ZNF33B: variants seen among roughly 807,000 people sequenced by gnomAD.
ZNF33B encodes zinc finger protein 11b (KOX 2).
In ZNF33B, 29 loss-of-function variants were observed where a neutral mutation model predicts 45.8. The observed-to-expected ratio is 0.63, with a 90% CI of 0.47 to 0.86. The LOEUF is 0.86. ZNF33B is among the 40% of genes least tolerant of loss of function. The pLI is 0.00. For missense variants in ZNF33B, 831 were observed against 909.9 expected (o/e 0.91, Z 1.12); for synonymous variants, 305 against 307.8 (o/e 0.99, Z 0.10).
intron 4 of ZNF33B, among the ~76,000 whole-genome samples, chr10:42,613,439 T>C (rs1163595792): frequency 1.3e-5 from 2 of 151,940 alleles, no homozygotes; most frequent in Non-Finnish European, 2.9e-5. Flanking sequence ...CCCCAGCTAC[T>C]TGGGAAGCTG....
At chr10:42,603,222 A>G (rs1837699140) in intron 4 of ZNF33B, among the ~76,000 whole-genome samples, 1 of 152,200 alleles carries the variant, frequency 6.6e-6, no homozygotes, top group African/African-American at 2.4e-5. Flanking sequence ...GATCCCGAAT[A>G]ATGGAGCAGG....
rs1487891646 is a variant in ZNF33B, at chr10:42,593,620, A to C, written c.1330T>G (p.Tyr444Asp). 9.3e-6 allele frequency: 15 copies of C among 1,613,262 alleles called. No individual in the cohort carries two copies. Among genetic ancestry groups the C allele is most frequent in the Non-Finnish European group, 1.2e-5 (14 of 1,179,778 alleles). The change falls in exon 5 of 5, where the codon TAT (tyrosine) becomes GAT (aspartate). Residue 444 changes from tyrosine (Y) to aspartate (D), a missense_variant. Tyr to Asp is a radical substitution (Grantham distance 160). Transcript: ENST00000359467. ...ATACAGAAGGATTTTCCACATTCAT[A>C]ACATTCATAGGGTTTCTGCCCTGTG... is the stretch of plus-strand genomic sequence containing the variant. ...THTGQKPYEC[Y>D]ECGKSFCMNS...
downstream of ZNF33B, among the ~76,000 whole-genome samples, chr10:42,588,851 T>C (rs1836990750): frequency 1.3e-5 from 2 of 152,184 alleles, no homozygotes; most frequent in African/African-American, 4.8e-5. Flanking sequence ...GGGAGGACTG[T>C]CTGCTAAGGT....
intron 4 of ZNF33B, among the ~76,000 whole-genome samples, chr10:42,625,220 G>GT (rs961459566): frequency 6.6e-6 from 1 of 151,956 alleles, no homozygotes; most frequent in Non-Finnish European, 1.5e-5. Flanking sequence ...AAGAGACCAC[G>GT]TATCTTCATT....
chr10:42,607,347 ACAT>A (rs1056764560), intron 4 of ZNF33B, among the ~76,000 whole-genome samples: 20 of 147,512 alleles, frequency 1.4e-4, no homozygotes, highest in African/African-American at 5.0e-4. Flanking sequence ...ACATAAACAA[ACAT>A]AGAGAGTGGA....
At chr10:42,626,164 G>A (rs544082293) in intron 4 of ZNF33B, among the ~76,000 whole-genome samples, 49 of 152,148 alleles carry the variant, frequency 3.2e-4, no homozygotes, top group Non-Finnish European at 5.6e-4. Context: ...AGCCTATGGT[G>A]GGTTAATTAC....
chr10:42,634,932 C>T (rs1839219314), intron 2 of ZNF33B, among the ~76,000 whole-genome samples: 1 of 152,166 alleles, frequency 6.6e-6, no homozygotes, highest in African/African-American at 2.4e-5. Context: ...GATTGGTAAA[C>T]TTTTTCTGTA....
chr10:42,587,821 C>T (rs2132021845), downstream of ZNF33B, among the ~76,000 whole-genome samples: 1 of 152,278 alleles, frequency 6.6e-6, no homozygotes, highest in African/African-American at 2.4e-5. Context: ...TTCTCATCAG[C>T]ACCTGGACCA....
chr10:42,616,740 G>T (rs1424369278), intron 4 of ZNF33B, among the ~76,000 whole-genome samples: 1 of 152,148 alleles, frequency 6.6e-6, no homozygotes. Context: ...TCTGTCGCCA[G>T]GCTGGAGTGT....
At chr10:42,620,113 G>A (rs559028101) in intron 4 of ZNF33B, among the ~76,000 whole-genome samples, 115 of 151,882 alleles carry the variant, frequency 7.6e-4, no homozygotes, top group African/African-American at 2.7e-3. Context: ...CTACTTGGGA[G>A]GCTGCGGCAT....
intron 4 of ZNF33B, among the ~76,000 whole-genome samples, chr10:42,622,191 CATAA>C (rs1237652786): frequency 3.9e-5 from 6 of 152,066 alleles, no homozygotes; most frequent in Non-Finnish European, 5.9e-5. Context: ...TTAAAGAAGG[CATAA>C]ATAAAGGAAA....
intron 4 of ZNF33B, among the ~76,000 whole-genome samples, chr10:42,600,958 T>C (rs1231406601): frequency 6.6e-6 from 1 of 152,206 alleles, no homozygotes; most frequent in Non-Finnish European, 1.5e-5. Context: ...CCATCAGACA[T>C]CAGAACATGT....
At chr10:42,632,729 G>T (rs1211897530) in intron 2 of ZNF33B, among the ~76,000 whole-genome samples, 1 of 152,178 alleles carries the variant, frequency 6.6e-6, no homozygotes, top group Non-Finnish European at 1.5e-5. Flanking sequence ...GTAACATGTT[G>T]CAAGTACTAA....
chr10:42,627,821 T>C (rs539422534), intron 4 of ZNF33B, among the ~76,000 whole-genome samples: 12 of 150,402 alleles, frequency 8.0e-5, no homozygotes, highest in South Asian at 4.2e-4. Context: ...TCTAAATTAT[T>C]ATATATTTCC....
At chr10:42,576,527 C>G (rs944858725) in intron 1 of ZNF33B, among the ~76,000 whole-genome samples, 1 of 152,080 alleles carries the variant, frequency 6.6e-6, no homozygotes, top group African/African-American at 2.4e-5. Flanking sequence ...GGAGACTAGA[C>G]TGAGGCATGA....
chr10:42,575,097 G>A (rs1836728705), intron 1 of ZNF33B, among the ~76,000 whole-genome samples: 1 of 152,158 alleles, frequency 6.6e-6, no homozygotes, highest in South Asian at 2.1e-4. Flanking sequence ...CAAAATTTCT[G>A]TATAAGAAAG....
intron 4 of ZNF33B, among the ~76,000 whole-genome samples, chr10:42,617,147 A>G (rs1228347890): frequency 2.7e-5 from 3 of 110,946 alleles, no homozygotes; most frequent in Non-Finnish European, 5.0e-5. Context: ...TCTGTCACCC[A>G]GGCTGGAGTC....
chr10:42,602,088 T>G (rs955039808), intron 4 of ZNF33B, among the ~76,000 whole-genome samples: 1 of 151,596 alleles, frequency 6.6e-6, no homozygotes, highest in Non-Finnish European at 1.5e-5. Flanking sequence ...CCAGCTAATT[T>G]TTTTGTTGTT....
At chr10:42,600,197 A>G (rs1837561739) in intron 4 of ZNF33B, among the ~76,000 whole-genome samples, 1 of 152,094 alleles carries the variant, frequency 6.6e-6, no homozygotes, top group Non-Finnish European at 1.5e-5. Context: ...GTGCAGAAGA[A>G]TATTTTATAA....
Sources: gnomAD v4.1 joint callset for allele counts (sites outside exome capture counted in the v4.1 genomes callset) on GRCh38, gnomAD v4.1.1 for gene constraint, MANE v1.5 for transcripts, NCBI Gene and HGNC (gene_info 2026-07-23, HGNC 2026-07-21) for gene names.